The following NBEA variants were observed in gnomAD, a reference collection of about 807,000 sequenced individuals.
NBEA encodes the protein neurobeachin.
A neutral mutation model predicts 343.4 loss-of-function variants in NBEA; 44 were observed. The observed-to-expected ratio is 0.13, with a 90% confidence interval of 0.10 to 0.16. NBEA has a LOEUF of 0.16. Among genes scored for constraint, NBEA ranks in the 10% least tolerant of loss-of-function variants. The pLI, the probability that NBEA is intolerant of heterozygous loss-of-function variation, is 1.00. For missense variants in NBEA, 2,555 were observed against 3,631.3 expected, an observed-to-expected ratio of 0.70 and a Z score of 7.62; for synonymous variants, 1,175 against 1,238.7, an observed-to-expected ratio of 0.95 and a Z score of 1.08.
At chr13:35,367,449 CAGG>C (rs1295145973) in intron 38 of NBEA, among the ~76,000 whole-genome samples, 198 of 151,320 alleles carry the variant, frequency 1.3e-3, no homozygotes, top group African/African-American at 4.7e-3. Context: ...TCTATTTTAA[CAGG>C]CTTTCAAGTT....
At chr13:35,049,455 G>A (rs2062986584) in intron 5 of NBEA, among the ~76,000 whole-genome samples, 1 of 151,802 alleles carries the variant, frequency 6.6e-6, no homozygotes, top group East Asian at 1.9e-4. Context: ...AGGATTTAAT[G>A]AGAGAATCAT....
intron 38 of NBEA, among the ~76,000 whole-genome samples, chr13:35,394,538 A>G (rs1350740739): frequency 1.3e-5 from 2 of 152,196 alleles, no homozygotes; most frequent in Non-Finnish European, 2.9e-5. Context: ...ACAAAGAATT[A>G]ATATAAATGT....
intron 29 of NBEA, among the ~76,000 whole-genome samples, chr13:35,183,663 T>C (rs1002014258): frequency 6.6e-6 from 1 of 152,098 alleles, no homozygotes; most frequent in Non-Finnish European, 1.5e-5. Flanking sequence ...CTAAGACTTA[T>C]CATTTTCTTT....
In NBEA at chr13:35,196,157, A is replaced by G. The variant is rs1477402681; in HGVS notation, c.5221A>G (p.Ile1741Val). 2.5e-6 allele frequency: 4 copies of G among 1,613,728 alleles called. No homozygotes were observed. Among genetic ancestry groups the G allele is most frequent in the Admixed American group, 1.7e-5 (1 of 60,010 alleles). ...ATCTAGCATTAGTCAAACCAAAGGC[A>G]TCAATGTGAAGGAAATACTGAAAAG... ...SISSISQTKG[I>V]NVKEILKSLV... The change falls in exon 31 of 59, where the codon ATC (isoleucine) becomes GTC (valine). Residue 1741 changes from isoleucine (I) to valine (V), a missense_variant. Transcript: ENST00000379939.
chr13:35,603,908 C>T (rs1031562601), intron 47 of NBEA, among the ~76,000 whole-genome samples: 1 of 152,200 alleles, frequency 6.6e-6, no homozygotes, highest in East Asian at 1.9e-4. Flanking sequence ...TTTACTAATT[C>T]CTCATGTTTT....
chr13:35,110,455 A>G (rs1240159312), intron 12 of NBEA, among the ~76,000 whole-genome samples: 1 of 152,108 alleles, frequency 6.6e-6, no homozygotes, highest in Non-Finnish European at 1.5e-5. Flanking sequence ...TGCTATGAAG[A>G]AATTTTTACA....
chr13:35,162,951 C>T (rs1353475087), intron 23 of NBEA, among the ~76,000 whole-genome samples: 1 of 152,136 alleles, frequency 6.6e-6, no homozygotes, highest in Non-Finnish European at 1.5e-5. Context: ...CATATACTTT[C>T]ATTGCTAATT....
At chr13:35,049,224 A>G (rs79822554) in intron 5 of NBEA, among the ~76,000 whole-genome samples, 2,232 of 152,018 alleles carry the variant, frequency 0.015, 49 homozygotes, top group African/African-American at 0.052. Context: ...CCAGTAATAC[A>G]CAGTACAGCA....
At chr13:35,279,549 C>T (rs940624792) in intron 34 of NBEA, among the ~76,000 whole-genome samples, 1 of 152,176 alleles carries the variant, frequency 6.6e-6, no homozygotes, top group African/African-American at 2.4e-5. Context: ...TGGCTTATTA[C>T]TAACATTCAG....
At chr13:35,208,326 G>A (rs1342675695) in intron 31 of NBEA, among the ~76,000 whole-genome samples, 1 of 152,156 alleles carries the variant, frequency 6.6e-6, no homozygotes, top group African/African-American at 2.4e-5. Flanking sequence ...AATGTGATAT[G>A]GGTAAGATGG....
At chr13:34,984,299 G>A (rs1386682477) in intron 1 of NBEA, among the ~76,000 whole-genome samples, 1 of 152,068 alleles carries the variant, frequency 6.6e-6, no homozygotes, top group East Asian at 1.9e-4. Flanking sequence ...TATTAAATAG[G>A]GAATCCTTTC....
chr13:35,066,487 A>G (rs189180433), intron 8 of NBEA, among the ~76,000 whole-genome samples: 1 of 152,206 alleles, frequency 6.6e-6, no homozygotes, highest in East Asian at 1.9e-4. Flanking sequence ...TTGGGTGCAC[A>G]TATGTTTACA....
chr13:35,142,882 C>T (rs1264822583), intron 18 of NBEA, among the ~76,000 whole-genome samples: 2 of 152,182 alleles, frequency 1.3e-5, no homozygotes, highest in African/African-American at 4.8e-5. Context: ...TCACTTCCAA[C>T]AAATGGGACA....
intron 13 of NBEA, among the ~76,000 whole-genome samples, chr13:35,111,604 CTA>C (rs906877493): frequency 1.3e-5 from 2 of 151,800 alleles, no homozygotes; most frequent in African/African-American, 4.8e-5. Flanking sequence ...CTCAATTTTT[CTA>C]TGTTGTTCTT....
intron 10 of NBEA, among the ~76,000 whole-genome samples, chr13:35,078,803 C>T (rs1343328340): frequency 6.6e-6 from 1 of 152,148 alleles, no homozygotes; most frequent in Non-Finnish European, 1.5e-5. Flanking sequence ...GCGGGCGGAT[C>T]ACGAGGTCAA....
At chr13:35,568,971 T>G (rs1400963292) in intron 45 of NBEA, among the ~76,000 whole-genome samples, 2 of 152,208 alleles carry the variant, frequency 1.3e-5, no homozygotes, top group Non-Finnish European at 2.9e-5. Flanking sequence ...TTTCCTCACC[T>G]ATATAATGAG....
At chr13:35,239,960 G>A (rs1318412843) in intron 34 of NBEA, among the ~76,000 whole-genome samples, 1 of 151,610 alleles carries the variant, frequency 6.6e-6, no homozygotes, top group Non-Finnish European at 1.5e-5. Context: ...CTAACTTAAA[G>A]AAATTCCTGT....
chr13:35,257,179 A>G (rs1643921806), intron 34 of NBEA, among the ~76,000 whole-genome samples: 1 of 152,270 alleles, frequency 6.6e-6, no homozygotes, highest in African/African-American at 2.4e-5. Context: ...GTTAAAGAGC[A>G]TGGCAGCTTG....
chr13:35,164,153 C>A (rs2069803265), intron 23 of NBEA, among the ~76,000 whole-genome samples: 1 of 151,980 alleles, frequency 6.6e-6, no homozygotes, highest in Non-Finnish European at 1.5e-5. Flanking sequence ...AGTTAATATA[C>A]TTGGATACAA....
Sources: gnomAD v4.1 joint callset for allele counts (sites outside exome capture counted in the v4.1 genomes callset) on GRCh38, gnomAD v4.1.1 for gene constraint, MANE v1.5 for transcripts, NCBI Gene and HGNC (gene_info 2026-07-23, HGNC 2026-07-21) for gene names.